CNIH3: variants seen among roughly 807,000 people sequenced by gnomAD.
CNIH3 encodes protein cornichon homolog 3.
A neutral mutation model predicts 24.1 loss-of-function variants in CNIH3; 14 were observed. That is an observed-to-expected ratio of 0.58 (90% CI 0.38 to 0.91). The LOEUF (loss-of-function observed/expected upper bound fraction) is 0.91. Ranked by LOEUF, CNIH3 falls within the 40% of genes least tolerant of loss-of-function variation. The pLI is 0.00. For missense variants in CNIH3, 178 were observed against 196.8 expected (o/e 0.90, Z 0.57); for synonymous variants, 68 against 73.8 (o/e 0.92, Z 0.40).
intron 1 of CNIH3, among the ~76,000 whole-genome samples, chr1:224,644,531 T>C (rs1050247508): frequency 6.6e-6 from 1 of 152,184 alleles, no homozygotes; most frequent in Non-Finnish European, 1.5e-5. Flanking sequence ...TGCAGCAGGA[T>C]GTATTTGTTG....
At chr1:224,438,701 A>G (rs564617290) in intron 1 of CNIH3, among the ~76,000 whole-genome samples, 1 of 152,266 alleles carries the variant, frequency 6.6e-6, no homozygotes, top group South Asian at 2.1e-4. Flanking sequence ...TGGGATTGGG[A>G]GAATTCAGGA....
intron 4 of CNIH3, chr1:224,583,140 A>G (rs1221439211): frequency 6.6e-6 from 1 of 152,168 alleles, no homozygotes; most frequent in East Asian, 1.9e-4. Context: ...CTCCTCTTTC[A>G]TAGTATGTAC....
At chr1:224,731,618 C>T (rs1259064679) in intron 4 of CNIH3, among the ~76,000 whole-genome samples, 3 of 152,204 alleles carry the variant, frequency 2.0e-5, no homozygotes, top group East Asian at 1.9e-4. Flanking sequence ...ACATAGTACA[C>T]GCCAGGCATT....
At chr1:224,495,976 C>T (rs774851343) in intron 1 of CNIH3, among the ~76,000 whole-genome samples, 4 of 152,020 alleles carry the variant, frequency 2.6e-5, no homozygotes, top group Admixed American at 6.5e-5. Context: ...GCAGAGAGAG[C>T]GCAACTAAGC....
intron 1 of CNIH3, among the ~76,000 whole-genome samples, chr1:224,664,566 G>T (rs1238592210): frequency 6.6e-6 from 1 of 152,114 alleles, no homozygotes; most frequent in African/African-American, 2.4e-5. Context: ...TGGTATGGGG[G>T]TGCAGTATTC....
In CNIH3 at chr1:224,532,391, G is replaced by A. The variant is rs368635485; in HGVS notation, n.344-4545G>A. 5.5e-4 allele frequency among the ~76,000 whole-genome samples: 84 copies of A among 152,184 alleles called. 2 individuals carry two copies. In the South Asian group the frequency reaches 0.016, roughly 29 times the overall value. ...GTGGAAGGTTTGAAGAAGAAGGGTGGGATGATGTGACAAGTAAGAGGACCA... is the reference window on the plus strand; with the variant it reads ...GTGGAAGGTTTGAAGAAGAAGGGTGAGATGATGTGACAAGTAAGAGGACCA... On this transcript the variant is annotated intron_variant and non_coding_transcript_variant, in intron 2 of 2. Transcript: ENST00000470602.
intron 4 of CNIH3, among the ~76,000 whole-genome samples, chr1:224,576,702 T>C (rs1681052043): frequency 2.0e-5 from 3 of 152,200 alleles, no homozygotes. Context: ...CTGAAGGTAA[T>C]ATTTGCCTTT....
At chr1:224,673,583 A>G (rs1685979495) in intron 1 of CNIH3, among the ~76,000 whole-genome samples, 1 of 152,088 alleles carries the variant, frequency 6.6e-6, no homozygotes, top group African/African-American at 2.4e-5. Context: ...GGCTTCCCTG[A>G]TCACTTCCCT....
At chr1:224,725,925 G>A (rs553738910) in intron 3 of CNIH3, among the ~76,000 whole-genome samples, 11 of 152,260 alleles carry the variant, frequency 7.2e-5, no homozygotes, top group South Asian at 2.1e-4. Flanking sequence ...CTTGGCACAC[G>A]ATTCTATTGT....
chr1:224,606,495 C>T (rs1039409146), intron 3 of CNIH3, among the ~76,000 whole-genome samples: 2 of 152,122 alleles, frequency 1.3e-5, no homozygotes, highest in African/African-American at 4.8e-5. Flanking sequence ...CTCCTCTTGA[C>T]GTTCAGTCAC....
intron 4 of CNIH3, among the ~76,000 whole-genome samples, chr1:224,731,199 A>G (rs963181257): frequency 3.3e-5 from 5 of 152,196 alleles, no homozygotes; most frequent in African/African-American, 7.2e-5. Context: ...GCACAACTCT[A>G]TGAATATACT....
At chr1:224,578,989 T>C (rs146616766) in intron 4 of CNIH3, among the ~76,000 whole-genome samples, 12 of 152,152 alleles carry the variant, frequency 7.9e-5, no homozygotes, top group African/African-American at 2.4e-5. Flanking sequence ...TTGTTTTTCA[T>C]GTAGAGAGTA....
At chr1:224,558,568 T>C (rs1465965237) in intron 3 of CNIH3, among the ~76,000 whole-genome samples, 2 of 152,212 alleles carry the variant, frequency 1.3e-5, no homozygotes, top group African/African-American at 4.8e-5. Flanking sequence ...TATCACTGTG[T>C]GCTAGCAATT....
chr1:224,453,296 C>T (rs556653397), intron 1 of CNIH3, among the ~76,000 whole-genome samples: 34 of 152,060 alleles, frequency 2.2e-4, no homozygotes, highest in African/African-American at 8.0e-4. Context: ...CTTCCAGCTT[C>T]GCCCTCCTGA....
intron 2 of CNIH3, among the ~76,000 whole-genome samples, chr1:224,534,057 C>T (rs1679186062): frequency 6.6e-6 from 1 of 152,104 alleles, no homozygotes; most frequent in Admixed American, 6.5e-5. Context: ...CCCAGCTACT[C>T]CAGAGGCTGA....
Position 224,435,038 on chromosome 1 carries a change from G to GCTGGCTCGA in CNIH3, n.203+178_203+186dup, listed in dbSNP as rs1198343410. ...GCCTTTCCCCTTGCGCCCTGGCTCG[G>GCTGGCTCGA]CTGGCTCGACGAGCAGTAAGTTCGT... is the stretch of plus-strand genomic sequence containing the variant. On this transcript the variant is annotated intron_variant and non_coding_transcript_variant, in intron 1 of 5. Transcript: ENST00000471578. 1.4e-5 allele frequency: 14 copies of GCTGGCTCGA among 985,560 alleles called. No homozygotes were observed. The South Asian group carries it at 5.2e-4, about 36-fold the overall frequency. The allele number at this position is 985,560 out of a possible 1,614,324, so 61.1% of individuals were successfully genotyped here.
intron 5 of CNIH3, among the ~76,000 whole-genome samples, chr1:224,734,912 C>A (rs1689517859): frequency 6.6e-6 from 1 of 152,194 alleles, no homozygotes; most frequent in African/African-American, 2.4e-5. Context: ...CTGCAGGAGG[C>A]CTTGCCTGCT....
chr1:224,707,458 A>G (rs374212452), intron 3 of CNIH3, among the ~76,000 whole-genome samples: 3 of 134,982 alleles, frequency 2.2e-5, no homozygotes, highest in African/African-American at 8.1e-5. Context: ...CCCACCCTCA[A>G]TTGGTGTGGA....
At chr1:224,537,625 GA>G (rs548518771), downstream of CNIH3, 61 of 152,340 alleles carry the variant, frequency 4.0e-4, no homozygotes, top group African/African-American at 1.4e-3. Context: ...AGGCCCTCCT[GA>G]GGCTGTGTCA....
Sources: gnomAD v4.1 joint callset for allele counts (sites outside exome capture counted in the v4.1 genomes callset) on GRCh38, gnomAD v4.1.1 for gene constraint, MANE v1.5 for transcripts, NCBI Gene and HGNC (gene_info 2026-07-23, HGNC 2026-07-21) for gene names.